FER1L6: variants seen among roughly 807,000 people sequenced by gnomAD.
FER1L6 encodes the protein fer-1 like family member 6.
In FER1L6, 177 loss-of-function variants were observed where a neutral mutation model predicts 219.2. The observed-to-expected ratio is 0.81, with a 90% CI of 0.71 to 0.91. The LOEUF (loss-of-function observed/expected upper bound fraction) is 0.91, where lower values mean the gene tolerates loss of function less well. FER1L6 is among the 40% of genes least tolerant of loss of function. The pLI, the probability that FER1L6 is intolerant of heterozygous loss-of-function variation, is 0.00. For missense variants in FER1L6, 2,153 were observed against 2,259.9 expected (o/e 0.95, Z 0.96); for synonymous variants, 768 against 824.3 (o/e 0.93, Z 1.17).
At chr8:123,863,094 C>T (rs1246694488) in intron 1 of FER1L6, among the ~76,000 whole-genome samples, 3 of 131,328 alleles carry the variant, frequency 2.3e-5, no homozygotes, top group African/African-American at 1.0e-4. Context: ...TTGGATCTTT[C>T]CTGCTTTCTC....
At chr8:123,924,233 C>CAAAA (rs71289625) in intron 1 of FER1L6, among the ~76,000 whole-genome samples, 55 of 66,952 alleles carry the variant, frequency 8.2e-4, no homozygotes, top group South Asian at 1.3e-3. Flanking sequence ...GACTCAGTAT[C>CAAAA]AAAAAAAAAA....
chr8:123,986,300 A>G, intron 12 of FER1L6, 124 bp downstream of exon 12: 1 of 609,216 alleles, frequency 1.6e-6, no homozygotes, highest in Non-Finnish European at 2.9e-6. Context: ...TCTCAGAATG[A>G]GATGAACAAT....
At chr8:124,098,054 C>G (rs1448254203) in intron 37 of FER1L6, among the ~76,000 whole-genome samples, 171 bp downstream of exon 37, 1 of 152,124 alleles carries the variant, frequency 6.6e-6, no homozygotes, top group Non-Finnish European at 1.5e-5. Context: ...GGTCATTTTG[C>G]TAAAAATTAT....
At chr8:124,063,367 C>T (rs908383662) in intron 25 of FER1L6, among the ~76,000 whole-genome samples, 36 of 152,296 alleles carry the variant, frequency 2.4e-4, no homozygotes, top group South Asian at 1.9e-3. Flanking sequence ...GGAACGCTTT[C>T]TCACCCCTTG....
At chr8:124,036,609 G>C (rs1389886267) in intron 19 of FER1L6, among the ~76,000 whole-genome samples, 1 of 152,090 alleles carries the variant, frequency 6.6e-6, no homozygotes, top group African/African-American at 2.4e-5. Context: ...CCTTGAGAGA[G>C]TTTTCATCTT....
intron 1 of FER1L6, among the ~76,000 whole-genome samples, chr8:123,904,127 G>A (rs926243734): frequency 6.6e-6 from 1 of 152,108 alleles, no homozygotes; most frequent in Non-Finnish European, 1.5e-5. Context: ...TGGCTTTAGG[G>A]GGCATATGTA....
intron 2 of FER1L6, among the ~76,000 whole-genome samples, chr8:123,961,424 T>A (rs1013070100): frequency 6.6e-6 from 1 of 152,166 alleles, no homozygotes; most frequent in African/African-American, 2.4e-5. Context: ...TGCGGCAAGG[T>A]CATGACTTGA....
At chr8:123,995,758 T>C (rs1444682607) in intron 12 of FER1L6, among the ~76,000 whole-genome samples, 1 of 152,128 alleles carries the variant, frequency 6.6e-6, no homozygotes, top group Non-Finnish European at 1.5e-5. Context: ...CATCGTTAGG[T>C]TGTTTATTTG....
rs184028226 is a variant in FER1L6, at chr8:123,856,270, A to C, written c.-8+4085A>C. Among the ~76,000 whole-genome samples the C allele has an allele frequency of 4.0e-3, 532 of 134,498 alleles. 56 individuals carry two copies. The highest frequency in any genetic ancestry group is 0.013 in the African/African-American group (464 of 35,280). The allele number at this position is 134,498 out of a possible 152,430, so 88.2% of individuals were successfully genotyped here. On this transcript the variant is annotated intron_variant, in intron 1 of 40. Transcript: ENST00000522917. ...GTATGAGATATATGTATATATGTGT[A>C]TATGTGTATATATGTGTGTGTGTAT...
chr8:123,923,677 T>G (rs889855270), intron 1 of FER1L6, among the ~76,000 whole-genome samples: 2 of 152,136 alleles, frequency 1.3e-5, no homozygotes, highest in Non-Finnish European at 2.9e-5. Flanking sequence ...GCTAAGCCCA[T>G]GCGTTATTTT....
intron 32 of FER1L6, among the ~76,000 whole-genome samples, chr8:124,076,544 T>A (rs1254984288): frequency 6.6e-6 from 1 of 152,234 alleles, no homozygotes; most frequent in Admixed American, 6.5e-5. Flanking sequence ...TACTTGGTGA[T>A]CTTCTTACCC....
chr8:123,997,157 T>G (rs550490333), intron 12 of FER1L6, among the ~76,000 whole-genome samples: 13 of 152,318 alleles, frequency 8.5e-5, no homozygotes, highest in East Asian at 5.8e-4. Context: ...TCTTTCAAAT[T>G]GAAAAACTTC....
chr8:123,886,959 T>A (rs1212039771), intron 1 of FER1L6, among the ~76,000 whole-genome samples: 1 of 152,122 alleles, frequency 6.6e-6, no homozygotes, highest in Non-Finnish European at 1.5e-5. Flanking sequence ...AAGGGACCCT[T>A]CTGGTCTTAA....
chr8:123,900,534 G>A (rs1812837883), intron 1 of FER1L6, among the ~76,000 whole-genome samples: 1 of 152,124 alleles, frequency 6.6e-6, no homozygotes, highest in Admixed American at 6.6e-5. Context: ...AGTGGTGAGA[G>A]TGGGCATCCT....
chr8:124,098,013 C>T, intron 37 of FER1L6, 130 bp downstream of exon 37: 1 of 531,066 alleles, frequency 1.9e-6, no homozygotes, highest in Non-Finnish European at 3.4e-6. Context: ...ACTTTTAAGG[C>T]CACCTTCTTT....
intron 1 of FER1L6, among the ~76,000 whole-genome samples, chr8:123,884,299 C>T (rs1333408573): frequency 6.6e-6 from 1 of 152,136 alleles, no homozygotes; most frequent in Non-Finnish European, 1.5e-5. Context: ...TACAATTATC[C>T]CCATGGGGCA....
rs77560649 is a variant in FER1L6 at position 123,854,597 on chromosome 8, C to G, written c.-8+2412C>G. Among the ~76,000 whole-genome samples the G allele has an allele frequency of 3.8e-3, 585 of 152,308 alleles. 3 individuals carry two copies. Among genetic ancestry groups the G allele is most frequent in the African/African-American group, 0.013 (547 of 41,562 alleles). On this transcript the variant is annotated intron_variant, in intron 1 of 40. Coordinates refer to ENST00000522917, the MANE Select transcript of FER1L6 (RefSeq NM_001039112.2). Reference sequence around the variant, plus strand: ...TCCCATTTCAGGAATGTGAATAGAACAGGGGACCGAAGGGTATCTTCTGTC... The same window carrying G: ...TCCCATTTCAGGAATGTGAATAGAAGAGGGGACCGAAGGGTATCTTCTGTC...
intron 1 of FER1L6, among the ~76,000 whole-genome samples, chr8:123,871,599 T>C (rs1816925247): frequency 6.6e-6 from 1 of 152,048 alleles, no homozygotes; most frequent in African/African-American, 2.4e-5. Flanking sequence ...TATCCAAGAG[T>C]CCATCCTGAT....
At chr8:123,930,587 C>G (rs935495213) in intron 1 of FER1L6, among the ~76,000 whole-genome samples, 4 of 152,110 alleles carry the variant, frequency 2.6e-5, no homozygotes, top group Non-Finnish European at 4.4e-5. Flanking sequence ...TGACTAATCT[C>G]CTGTGCTCAG....
Sources: allele counts gnomAD v4.1 joint callset (sites outside exome capture counted in the v4.1 genomes callset), GRCh38; gene constraint gnomAD v4.1.1; transcripts MANE v1.5; gene names NCBI Gene and HGNC (gene_info 2026-07-23, HGNC 2026-07-21).